The following STON2 variants were observed in gnomAD, a reference collection of about 807,000 sequenced individuals.
STON2 encodes the protein stonin-2.
STON2 carries 29 observed loss-of-function variants against 65.7 expected under a neutral mutation model. That is an observed-to-expected ratio of 0.44 (90% CI 0.33 to 0.60). STON2 has a LOEUF of 0.60. STON2 is among the 20% of genes least tolerant of loss of function. The pLI is 0.03. For synonymous variants in STON2, 404 were observed against 414.2 expected, an observed-to-expected ratio of 0.98 and a Z score of 0.30; for missense variants, 1,054 against 1,118.1, an observed-to-expected ratio of 0.94 and a Z score of 0.82.
rs201453682 is a variant in STON2, at chr14:81,275,149, T to TA, written c.2581+1751dup. ...TCTTTGTTGCTTATAATAATAATAA[T>TA]AATAAACCTTCATGCAGTACTTTTA... On this transcript the variant is annotated intron_variant, in intron 6 of 7. Coordinates refer to ENST00000614646, the MANE Select transcript of STON2 (RefSeq NM_001394390.1). Among the ~76,000 whole-genome samples, 1,496 of 152,210 alleles carry TA rather than the reference T, an allele frequency of 9.8e-3. 26 individuals carry two copies. Among genetic ancestry groups the TA allele is most frequent in the African/African-American group, 0.035 (1,436 of 41,518 alleles).
At chr14:81,289,481 C>A (rs1010098286) in intron 5 of STON2, among the ~76,000 whole-genome samples, 20 of 152,012 alleles carry the variant, frequency 1.3e-4, no homozygotes, top group African/African-American at 4.8e-4. Context: ...TCTGCAGAGC[C>A]CCAGGGGAGA....
rs1378321884 is a variant in STON2, at chr14:81,266,332, T to C, written c.*2082A>G. ...TATATTGAAGCAAACATTTGTCACC[T>C]GTAAAGTTCCTCTTTGTTCTTATTT... On this transcript the variant is annotated 3_prime_UTR_variant, in exon 8 of 8. Transcript: ENST00000614646. Among the ~76,000 whole-genome samples the C allele has an allele frequency of 6.6e-6, 1 of 152,238 alleles. No individual in the cohort carries two copies. Among genetic ancestry groups the C allele is most frequent in the Non-Finnish European group, 1.5e-5 (1 of 68,042 alleles).
At chr14:81,318,608 T>G (rs1896710353) in intron 5 of STON2, among the ~76,000 whole-genome samples, 1 of 152,206 alleles carries the variant, frequency 6.6e-6, no homozygotes, top group South Asian at 2.1e-4. Context: ...TCCAGCACTT[T>G]GAAAGGCTGA....
At chr14:81,427,207 G>A (rs555992690) in exon 2 of STON2, 8 of 152,324 alleles carry the variant, frequency 5.3e-5, no homozygotes, top group Admixed American at 5.2e-4. Context: ...CTCGTGAGTT[G>A]TTTTCCTATG....
intron 4 of STON2, among the ~76,000 whole-genome samples, chr14:81,324,956 T>A (rs576916801): frequency 6.6e-6 from 1 of 152,306 alleles, no homozygotes; most frequent in South Asian, 2.1e-4. Context: ...AATGTGCTTA[T>A]GAGGGAGGAT....
rs74065069 is a variant in STON2 at position 81,271,000 on chromosome 14, G to C, written c.2582-128C>G. 1,295 of 1,268,858 alleles carry C rather than the reference G, an allele frequency of 1.0e-3. 6 individuals carry two copies. In the African/African-American group the frequency reaches 0.013, roughly 13 times the overall value. 78.6% of individuals were successfully genotyped at this position (1,268,858 alleles called of 1,614,324 possible). On this transcript the variant is annotated intron_variant, in intron 6 of 7. Coordinates refer to ENST00000614646, the MANE Select transcript of STON2 (RefSeq NM_001394390.1). ...ACCCGGCAGCCTTTCAGAGGGTCCAGTGTTGAGCACGAGGATCCGCCCGGC... is the reference window on the plus strand; with the variant it reads ...ACCCGGCAGCCTTTCAGAGGGTCCACTGTTGAGCACGAGGATCCGCCCGGC...
At chr14:81,275,135 TATAATA>T (rs376681889) in intron 6 of STON2, among the ~76,000 whole-genome samples, 1 of 151,628 alleles carries the variant, frequency 6.6e-6, no homozygotes, top group Non-Finnish European at 1.5e-5. Context: ...CTTTGTTGCT[TATAATA>T]ATAATAATAA....
chr14:81,389,526 A>G (rs999972340), intron 3 of STON2, among the ~76,000 whole-genome samples: 1 of 152,240 alleles, frequency 6.6e-6, no homozygotes, highest in African/African-American at 2.4e-5. Context: ...ATAAATGAGA[A>G]ATTGATGGGC....
intron 5 of STON2, among the ~76,000 whole-genome samples, chr14:81,282,551 A>G (rs1468037333): frequency 6.6e-6 from 1 of 152,224 alleles, no homozygotes; most frequent in Non-Finnish European, 1.5e-5. Flanking sequence ...GTGTCATTAT[A>G]GAAAGTACGT....
intron 3 of STON2, among the ~76,000 whole-genome samples, chr14:81,372,120 G>A (rs1899024105): frequency 6.6e-6 from 1 of 152,178 alleles, no homozygotes; most frequent in Non-Finnish European, 1.5e-5. Context: ...TATCTCCTTA[G>A]TCTTGAGAAC....
intron 4 of STON2, among the ~76,000 whole-genome samples, chr14:81,350,380 G>A (rs1447915553): frequency 6.6e-6 from 1 of 152,020 alleles, no homozygotes; most frequent in Non-Finnish European, 1.5e-5. Flanking sequence ...ATGTTTTCTA[G>A]GCTCTGAGGG....
chr14:81,381,568 A>G (rs117511137), intron 3 of STON2, among the ~76,000 whole-genome samples: 3,528 of 149,034 alleles, frequency 0.024, 74 homozygotes, highest in South Asian at 0.079. Flanking sequence ...CTTGTTAGTA[A>G]TCTAGGAAAT....
chr14:81,363,391 T>C (rs1248254255), intron 4 of STON2, among the ~76,000 whole-genome samples: 1 of 152,188 alleles, frequency 6.6e-6, no homozygotes, highest in African/African-American at 2.4e-5. Context: ...AAATATCACA[T>C]AGCTTACTTT....
At chr14:81,415,578 G>A (rs1024244487) in intron 2 of STON2, among the ~76,000 whole-genome samples, 2 of 148,220 alleles carry the variant, frequency 1.3e-5, no homozygotes, top group Non-Finnish European at 1.5e-5. Context: ...GCTGAGGCAG[G>A]AGAATCACTT....
upstream of STON2, among the ~76,000 whole-genome samples, chr14:81,403,477 T>C (rs753357436): frequency 6.6e-5 from 10 of 152,212 alleles, no homozygotes; most frequent in Non-Finnish European, 1.2e-4. Context: ...ATCCAGGCTT[T>C]GTCAACGGCT....
intron 2 of STON2, among the ~76,000 whole-genome samples, chr14:81,420,601 G>C (rs115485750): frequency 0.013 from 2,036 of 152,256 alleles, 59 homozygotes; most frequent in African/African-American, 0.047. Flanking sequence ...AGTGCGATGG[G>C]TGCATAGGAG....
intron 4 of STON2, among the ~76,000 whole-genome samples, chr14:81,359,126 A>C (rs1898379693): frequency 6.6e-6 from 1 of 152,340 alleles, no homozygotes; most frequent in Non-Finnish European, 1.5e-5. Context: ...TCCAGTATAG[A>C]TCATATGTTG....
chr14:81,430,320 A>G (rs749183542), intron 1 of STON2, among the ~76,000 whole-genome samples: 6 of 152,224 alleles, frequency 3.9e-5, no homozygotes, highest in Non-Finnish European at 8.8e-5. Context: ...GCTGTGTCAG[A>G]GACTGAGCAT....
chr14:81,301,768 A>T (rs1895979568), intron 5 of STON2, among the ~76,000 whole-genome samples: 1 of 152,202 alleles, frequency 6.6e-6, no homozygotes, highest in Non-Finnish European at 1.5e-5. Flanking sequence ...TAAAGAACTG[A>T]GCCCATGCAG....
Sources: allele counts gnomAD v4.1 joint callset (sites outside exome capture counted in the v4.1 genomes callset), GRCh38; gene constraint gnomAD v4.1.1; transcripts MANE v1.5; gene names NCBI Gene and HGNC (gene_info 2026-07-23, HGNC 2026-07-21).